COBL: variants seen among roughly 807,000 people sequenced by gnomAD.
COBL encodes the protein cordon-bleu WH2 repeat protein, also known as protein cordon-bleu.
In COBL, 51 loss-of-function variants were observed where a neutral mutation model predicts 98.8. The observed-to-expected ratio is 0.52, with a 90% CI of 0.41 to 0.65. The LOEUF is 0.65. Among genes scored for constraint, COBL ranks in the 30% least tolerant of loss-of-function variants. COBL has a pLI of 0.00. For synonymous variants in COBL, 634 were observed against 651.7 expected, an observed-to-expected ratio of 0.97 and a Z score of 0.41; for missense variants, 1,617 against 1,617.5, an observed-to-expected ratio of 1.00 and a Z score of 0.01.
chr7:51,188,405 G>A (rs1027868520), intron 4 of COBL, among the ~76,000 whole-genome samples: 6 of 152,256 alleles, frequency 3.9e-5, no homozygotes, highest in African/African-American at 9.6e-5. Flanking sequence ...AGGGAGCCTC[G>A]GAGATGGCCT....
chr7:51,180,271 G>T (rs1176874058), intron 5 of COBL, among the ~76,000 whole-genome samples: 5 of 152,162 alleles, frequency 3.3e-5, no homozygotes, highest in Non-Finnish European at 1.5e-5. Flanking sequence ...GGCTGGCCCG[G>T]TTCCTTGTCG....
intron 1 of COBL, among the ~76,000 whole-genome samples, chr7:51,291,280 A>T (rs1450865624): frequency 6.6e-6 from 1 of 152,180 alleles, no homozygotes; most frequent in Non-Finnish European, 1.5e-5. Flanking sequence ...AGTCACCAGA[A>T]AGGAGATTGC....
intron 1 of COBL, among the ~76,000 whole-genome samples, chr7:51,315,840 G>A (rs1803516451): frequency 1.3e-5 from 2 of 152,110 alleles, no homozygotes; most frequent in Non-Finnish European, 2.9e-5. Context: ...CACGCAAGGT[G>A]TGGGGATAGC....
chr7:51,017,471 T>C lies in COBL; in HGVS notation c.*80A>G. On this transcript the variant is annotated 3_prime_UTR_variant, in exon 13 of 13. Transcript: ENST00000265136. ...AGAAAGTAACACCAAAACTTGATGT[T>C]CCTGGCTATGCAGACTCCTTGAGTG... 1.4e-6 allele frequency: 2 copies of C among 1,447,472 alleles called. No individual in the cohort carries two copies. The highest frequency in any genetic ancestry group is 1.9e-6 in the Non-Finnish European group (2 of 1,028,722). The allele number at this position is 1,447,472 out of a possible 1,614,324, so 89.7% of individuals were successfully genotyped here. A position where few individuals can be genotyped will look rare whatever the true frequency, so the allele number is the denominator to read the frequency against.
chr7:51,073,089 A>G (rs967982670), intron 7 of COBL: 1 of 356,108 alleles, frequency 2.8e-6, no homozygotes. Context: ...AACATTTCCA[A>G]GTATCAGTGA....
At chr7:51,042,968 C>T (rs1360085512) in intron 8 of COBL, among the ~76,000 whole-genome samples, 2 of 152,212 alleles carry the variant, frequency 1.3e-5, no homozygotes, top group African/African-American at 4.8e-5. Context: ...TCACTTTCCT[C>T]TTCTAGAAAA....
rs753781477 is a variant in COBL at position 51,028,794 on chromosome 7, T to C, written c.2302A>G (p.Arg768Gly). The C allele has an allele frequency of 4.3e-6, 7 of 1,614,090 alleles. No individual in the cohort carries two copies. Among genetic ancestry groups the C allele is most frequent in the Non-Finnish European group, 4.2e-6 (5 of 1,180,044 alleles). Residue 768 changes from arginine (R) to glycine (G), a missense_variant, in exon 10 of 13, where the codon AGA becomes GGA. Transcript: ENST00000265136. ...ACAGAGTTGCACCTCCAGAACTCTC[T>C]GACTTTCCCAATGGGCTGAGATTCT... ...EAESQPIGKVREFWRCNSVEK... is the reference protein window; with the variant it reads ...EAESQPIGKVGEFWRCNSVEK...
At chr7:51,098,408 A>T (rs541506321) in intron 6 of COBL, among the ~76,000 whole-genome samples, 2 of 152,034 alleles carry the variant, frequency 1.3e-5, no homozygotes, top group Non-Finnish European at 2.9e-5. Context: ...TGGTACTGAC[A>T]TAGAGAACAA....
chr7:51,156,223 G>C (rs748341393), intron 5 of COBL: 9 of 983,962 alleles, frequency 9.1e-6, no homozygotes, highest in Non-Finnish European at 9.6e-6. Flanking sequence ...AAATTTACAA[G>C]CCAAGAAGGC....
At chr7:51,145,177 A>C (rs1424002947) in intron 5 of COBL, among the ~76,000 whole-genome samples, 2 of 151,256 alleles carry the variant, frequency 1.3e-5, no homozygotes, top group Non-Finnish European at 2.9e-5. Context: ...ATCACGCCCA[A>C]CTAATTTTTT....
At chr7:51,083,236 G>A in intron 7 of COBL, 1 of 1,446,444 alleles carries the variant, frequency 6.9e-7, no homozygotes, top group Non-Finnish European at 9.0e-7. Flanking sequence ...CACCTATATG[G>A]AATCAACAGG....
intron 5 of COBL, among the ~76,000 whole-genome samples, chr7:51,141,763 A>G (rs1458477190): frequency 2.0e-5 from 3 of 152,092 alleles, no homozygotes; most frequent in Non-Finnish European, 4.4e-5. Flanking sequence ...TGTGACATAA[A>G]CCAGATGAGG....
intron 6 of COBL, among the ~76,000 whole-genome samples, chr7:51,111,270 C>T (rs1268636368): frequency 6.6e-6 from 1 of 152,162 alleles, no homozygotes; most frequent in African/African-American, 2.4e-5. Flanking sequence ...AATGGCTATA[C>T]TAACTTACAT....
intron 7 of COBL, chr7:51,082,978 T>A (rs756785381): frequency 4.4e-6 from 6 of 1,367,934 alleles, no homozygotes; most frequent in Non-Finnish European, 5.0e-6. Context: ...GAATGGAAAA[T>A]CTGGAAACCC....
At chr7:51,148,020 C>T (rs1265373202) in intron 5 of COBL, among the ~76,000 whole-genome samples, 7 of 152,074 alleles carry the variant, frequency 4.6e-5, no homozygotes, top group African/African-American at 1.2e-4. Flanking sequence ...CCTTGGCCTC[C>T]GAAAGTGCTG....
At chr7:51,133,675 TAAA>T (rs1405892800) in intron 6 of COBL, among the ~76,000 whole-genome samples, 1 of 152,190 alleles carries the variant, frequency 6.6e-6, no homozygotes. Flanking sequence ...TTCCACATAA[TAAA>T]AGCTGCATTC....
chr7:51,055,383 A>T (rs114430746), intron 7 of COBL, among the ~76,000 whole-genome samples: 214 of 152,262 alleles, frequency 1.4e-3, no homozygotes, highest in African/African-American at 5.0e-3. Context: ...CTCTCTAAGG[A>T]CTTAGTGAAG....
intron 7 of COBL, among the ~76,000 whole-genome samples, chr7:51,048,637 T>A (rs1484902102): frequency 6.6e-6 from 1 of 152,162 alleles, no homozygotes; most frequent in Non-Finnish European, 1.5e-5. Flanking sequence ...GCTTGAGTTT[T>A]TTTTTTTATT....
Position 51,135,023 on chromosome 7 carries a change from C to T in COBL, c.957+1135G>A, listed in dbSNP as rs146199291. ...TGTCACCCAGGCTAGAGTGCAGTGG[C>T]GTGATCTTGGCTCACTGCAACCTCT... On this transcript the variant is annotated intron_variant, in intron 6 of 12. Coordinates refer to ENST00000265136, the MANE Select transcript of COBL (RefSeq NM_015198.5). 4.2e-3 allele frequency among the ~76,000 whole-genome samples: 641 copies of T among 152,058 alleles called. 4 individuals are homozygous for T. Among genetic ancestry groups the T allele is most frequent in the African/African-American group, 0.014 (590 of 41,500 alleles).
Sources: allele counts gnomAD v4.1 joint callset (sites outside exome capture counted in the v4.1 genomes callset), GRCh38; gene constraint gnomAD v4.1.1; transcripts MANE v1.5; gene names NCBI Gene and HGNC (gene_info 2026-07-23, HGNC 2026-07-21).